The following RBFOX1 variants were observed in gnomAD, a reference collection of about 807,000 sequenced individuals.
RBFOX1 encodes the protein RNA binding protein fox-1 homolog 1.
In RBFOX1, 8 loss-of-function variants were observed where a neutral mutation model predicts 57.7. That is an observed-to-expected ratio of 0.14 (90% CI 0.08 to 0.25). RBFOX1 has a LOEUF of 0.25. Among genes scored for constraint, RBFOX1 ranks in the 10% least tolerant of loss-of-function variants. RBFOX1 has a pLI of 1.00. For missense variants in RBFOX1, 611 were observed against 548.5 expected (o/e 1.11, Z -1.14); for synonymous variants, 326 against 222.4 (o/e 1.47, Z -4.15).
chr16:7,260,747 G>C (rs965900916), intron 4 of RBFOX1, among the ~76,000 whole-genome samples: 2 of 152,108 alleles, frequency 1.3e-5, no homozygotes, highest in African/African-American at 4.8e-5. Flanking sequence ...ACGAACTTCA[G>C]GATAGAACAC....
Position 7,390,430 on chromosome 16 carries a change from A to C in RBFOX1, c.28-127717A>C, listed in dbSNP as rs149831277. Among the ~76,000 whole-genome samples the C allele has an allele frequency of 5.9e-5, 9 of 152,320 alleles. No homozygotes were observed. In the East Asian group the frequency reaches 1.7e-3, roughly 29 times the overall value. ...ACTTGGAGTCAGAAGACTTGGGTTT[A>C]AGTTTCAGTTGCAGGGACCTTACTC... On this transcript the variant is annotated intron_variant, in intron 4 of 15. Transcript: ENST00000550418.
Position 7,482,137 on chromosome 16 carries a change from C to G in RBFOX1, c.28-36010C>G, listed in dbSNP as rs138374980. 5.2e-4 allele frequency among the ~76,000 whole-genome samples: 79 copies of G among 152,264 alleles called. No homozygotes were observed. The East Asian group carries it at 7.5e-3, about 15-fold the overall frequency. Reference sequence around the variant, plus strand: ...AAGTCCTCCTGCTCTATAGTCATAACAATAATATTTTGTAGCATCTATTCC... The same window carrying G: ...AAGTCCTCCTGCTCTATAGTCATAAGAATAATATTTTGTAGCATCTATTCC... On this transcript the variant is annotated intron_variant, in intron 4 of 15. Transcript: ENST00000550418.
chr16:7,506,780 A>C (rs1374562995), intron 4 of RBFOX1, among the ~76,000 whole-genome samples: 6 of 138,012 alleles, frequency 4.3e-5, no homozygotes, highest in Non-Finnish European at 1.0e-4. Context: ...CTTATCTGCC[A>C]AAGGTACCAT....
At chr16:6,745,877 A>G (rs949512091) in intron 3 of RBFOX1, among the ~76,000 whole-genome samples, 1 of 152,224 alleles carries the variant, frequency 6.6e-6, no homozygotes, top group African/African-American at 2.4e-5. Context: ...TGTGCATAAA[A>G]TTTTATGCTC....
At chr16:6,670,035 A>G (rs1197171899) in intron 3 of RBFOX1, among the ~76,000 whole-genome samples, 2 of 152,140 alleles carry the variant, frequency 1.3e-5, no homozygotes, top group East Asian at 1.9e-4. Context: ...CTATCTCTAT[A>G]TATTGAGACA....
chr16:6,504,743 A>G (rs966049036), intron 2 of RBFOX1, among the ~76,000 whole-genome samples: 4 of 152,248 alleles, frequency 2.6e-5, no homozygotes, highest in African/African-American at 7.2e-5. Context: ...AAGTGCATCA[A>G]ATCGGCACTT....
At chr16:6,450,818 CATATATAT>C (rs1305191127) in intron 2 of RBFOX1, among the ~76,000 whole-genome samples, 372 of 17,198 alleles carry the variant, frequency 0.022, 12 homozygotes, top group African/African-American at 0.024. Context: ...TATATATATA[CATATATAT>C]ATATATATAT....
At chr16:6,483,930 T>G in intron 2 of RBFOX1, 1 of 1,070,962 alleles carries the variant, frequency 9.3e-7, no homozygotes, top group Non-Finnish European at 1.1e-6. Context: ...TAAGCCGAGC[T>G]CCAGCTCCGG....
At chr16:7,597,885 C>G (rs149312073) in intron 9 of RBFOX1, among the ~76,000 whole-genome samples, 2 of 152,188 alleles carry the variant, frequency 1.3e-5, no homozygotes, top group African/African-American at 4.8e-5. Context: ...TAGAGTATAC[C>G]TCATGTCTGA....
chr16:6,419,442 T>C (rs974955728), intron 2 of RBFOX1, among the ~76,000 whole-genome samples: 2 of 152,146 alleles, frequency 1.3e-5, no homozygotes, highest in African/African-American at 4.8e-5. Flanking sequence ...TCAATAAACA[T>C]TGAAGGGAGG....
chr16:6,999,964 C>T (rs911724989), intron 3 of RBFOX1, among the ~76,000 whole-genome samples: 13 of 151,646 alleles, frequency 8.6e-5, no homozygotes, highest in African/African-American at 3.1e-4. Context: ...TTCAGCTACT[C>T]CAGAGGCTGA....
At chr16:5,945,923 A>C (rs1423994810) in intron 4 of RBFOX1, among the ~76,000 whole-genome samples, 4 of 152,186 alleles carry the variant, frequency 2.6e-5, no homozygotes, top group Admixed American at 6.5e-5. Context: ...GCCATGGGCG[A>C]GAGAGGGATT....
At chr16:5,590,519 A>G (rs1424244414) in intron 2 of RBFOX1, among the ~76,000 whole-genome samples, 1 of 152,122 alleles carries the variant, frequency 6.6e-6, no homozygotes, top group African/African-American at 2.4e-5. Context: ...TGTCATTATG[A>G]TGAGCTTGGA....
intron 3 of RBFOX1, among the ~76,000 whole-genome samples, chr16:7,048,445 G>A (rs1336572666): frequency 6.6e-6 from 1 of 151,856 alleles, no homozygotes; most frequent in Admixed American, 6.6e-5. Context: ...ATTTTTAGTA[G>A]AGACAGGGTT....
chr16:7,709,605 C>T (rs2083590087), intron 15 of RBFOX1: 4 of 1,531,834 alleles, frequency 2.6e-6, no homozygotes, highest in Non-Finnish European at 2.6e-6. Flanking sequence ...TATTACAATT[C>T]ATGTTTAAAG....
chr16:6,361,184 G>A (rs1048791030), intron 2 of RBFOX1, among the ~76,000 whole-genome samples: 1 of 152,058 alleles, frequency 6.6e-6, no homozygotes, highest in Non-Finnish European at 1.5e-5. Context: ...ACTGAAACAG[G>A]CTCAAAAGGA....
intron 2 of RBFOX1, among the ~76,000 whole-genome samples, chr16:6,448,073 T>G (rs746836024): frequency 3.9e-5 from 6 of 152,106 alleles, no homozygotes; most frequent in Non-Finnish European, 8.8e-5. Context: ...GCATTTTCTC[T>G]GAATAATTCA....
At chr16:7,076,990 C>G (rs534987471) in intron 4 of RBFOX1, among the ~76,000 whole-genome samples, 1 of 152,114 alleles carries the variant, frequency 6.6e-6, no homozygotes, top group Non-Finnish European at 1.5e-5. Context: ...ATTGGGTGTA[C>G]GCGAGAGAGG....
At chr16:6,504,889 A>G (rs543495352) in intron 2 of RBFOX1, among the ~76,000 whole-genome samples, 2 of 140,188 alleles carry the variant, frequency 1.4e-5, no homozygotes, top group East Asian at 4.4e-4. Flanking sequence ...CTCTGTCTCT[A>G]CTAAAATTAC....
Sources: allele counts gnomAD v4.1 joint callset (sites outside exome capture counted in the v4.1 genomes callset), GRCh38; gene constraint gnomAD v4.1.1; transcripts MANE v1.5; gene names NCBI Gene and HGNC (gene_info 2026-07-23, HGNC 2026-07-21).